The following PTPRD variants were observed in gnomAD, a reference collection of about 807,000 sequenced individuals.
PTPRD encodes the protein protein tyrosine phosphatase receptor type D, also known as receptor-type tyrosine-protein phosphatase delta.
In PTPRD, 34 loss-of-function variants were observed where a neutral mutation model predicts 214.5. The ratio of observed to expected loss-of-function variants is 0.16; its 90% CI spans 0.12 to 0.21. The LOEUF is 0.21. PTPRD is among the 10% of genes least tolerant of loss of function. The pLI is 1.00. For missense variants in PTPRD, 2,545 were observed against 2,398.7 expected (o/e 1.06, Z -1.27); for synonymous variants, 1,128 against 845.7 (o/e 1.33, Z -5.79).
rs138805005 is a variant in PTPRD, at chr9:8,500,881, C to T, written c.2001G>A (p.Ser667=). The change falls in exon 24 of 46, where the codon TCG becomes TCA. Residue 667 remains serine, a synonymous_variant. Transcript: ENST00000381196. ...GTTCCAAAAGGTATTTGGTAGTGTC[C>T]GAAGGAATTCCCAAAATCTCGTGAG... The part of the protein sequence containing the change: ...DKPHEILGIP[S]DTTKYLLEQL... 3.5e-4 allele frequency: 567 copies of T among 1,614,034 alleles called. 3 individuals carry two copies. In the East Asian group the frequency reaches 0.01, roughly 29 times the overall value.
At chr9:10,418,437 C>A (rs552563824) in intron 2 of PTPRD, among the ~76,000 whole-genome samples, 1 of 140,146 alleles carries the variant, frequency 7.1e-6, no homozygotes. Flanking sequence ...AAAATGAAGC[C>A]TTCCCCTCTA....
chr9:9,337,391 A>T (rs1391416586), intron 9 of PTPRD, among the ~76,000 whole-genome samples: 3 of 152,116 alleles, frequency 2.0e-5, no homozygotes, highest in Non-Finnish European at 2.9e-5. Flanking sequence ...ACTTTAATAG[A>T]TCATTAACAA....
At chr9:8,632,993 T>C (rs1430915322) in intron 14 of PTPRD, among the ~76,000 whole-genome samples, 1 of 151,950 alleles carries the variant, frequency 6.6e-6, no homozygotes, top group African/African-American at 2.4e-5. Flanking sequence ...GAAAAATCCA[T>C]GCACGAGTAA....
intron 12 of PTPRD, among the ~76,000 whole-genome samples, chr9:8,698,673 G>T (rs978515182): frequency 1.3e-5 from 2 of 152,172 alleles, no homozygotes; most frequent in East Asian, 3.9e-4. Flanking sequence ...TACACCTGCC[G>T]CCTCATGGTG....
chr9:9,763,420 T>C (rs1378077866), intron 6 of PTPRD, among the ~76,000 whole-genome samples: 1 of 151,636 alleles, frequency 6.6e-6, no homozygotes, highest in African/African-American at 2.4e-5. Flanking sequence ...AGGGGTATGG[T>C]ATTATAATAT....
At chr9:9,681,049 C>G (rs183149060) in intron 7 of PTPRD, among the ~76,000 whole-genome samples, 36 of 151,838 alleles carry the variant, frequency 2.4e-4, no homozygotes, top group African/African-American at 8.7e-4. Context: ...TATTTTATTG[C>G]ACTTTTCAAA....
At chr9:9,792,833 T>C (rs2098976867) in intron 5 of PTPRD, among the ~76,000 whole-genome samples, 2 of 152,144 alleles carry the variant, frequency 1.3e-5, no homozygotes, top group African/African-American at 2.4e-5. Context: ...CTGTTATTTG[T>C]AATTAGTGAT....
intron 3 of PTPRD, among the ~76,000 whole-genome samples, chr9:10,253,461 G>A (rs747928102): frequency 6.6e-6 from 1 of 152,182 alleles, no homozygotes; most frequent in Non-Finnish European, 1.5e-5. Context: ...TCCACTCAGC[G>A]GCTCAGCTGC....
chr9:9,600,518 G>C (rs1282618709), intron 7 of PTPRD, among the ~76,000 whole-genome samples: 1 of 151,968 alleles, frequency 6.6e-6, no homozygotes, highest in Non-Finnish European at 1.5e-5. Context: ...ATTTATTTTG[G>C]TTTAAAAAGT....
rs1313247997 is a variant in PTPRD, at chr9:9,989,037, A to AC, written c.-472+44680_-472+44681insG. On this transcript the variant is annotated intron_variant, in intron 4 of 45. Transcript: ENST00000381196. Reference sequence around the variant, plus strand: ...TGACCAAAAAAAAAAAAAAAAAAAAAAAAAAAAACCACAGACTTTACACAG... The same window carrying AC: ...TGACCAAAAAAAAAAAAAAAAAAAAACAAAAAAAACCACAGACTTTACACAG... Among the ~76,000 whole-genome samples the AC allele has an allele frequency of 1.3e-3, 152 of 121,454 alleles. 5 individuals carry two copies. In the Middle Eastern group the frequency reaches 0.025, roughly 20 times the overall value. 79.7% of individuals were successfully genotyped at this position (121,454 alleles called of 152,430 possible). A position where few individuals can be genotyped will look rare whatever the true frequency, so the allele number is the denominator to read the frequency against.
chr9:9,675,594 G>T (rs914925866), intron 7 of PTPRD, among the ~76,000 whole-genome samples: 1 of 151,638 alleles, frequency 6.6e-6, no homozygotes, highest in Non-Finnish European at 1.5e-5. Flanking sequence ...ACATTTTAAA[G>T]CAATATAAAA....
At chr9:9,995,903 G>C (rs919105313) in intron 4 of PTPRD, among the ~76,000 whole-genome samples, 1 of 152,082 alleles carries the variant, frequency 6.6e-6, no homozygotes, top group African/African-American at 2.4e-5. Context: ...AACATTATCA[G>C]TGACTGGGAG....
intron 5 of PTPRD, among the ~76,000 whole-genome samples, chr9:9,927,784 G>C (rs2084866814): frequency 6.6e-6 from 1 of 151,982 alleles, no homozygotes; most frequent in Non-Finnish European, 1.5e-5. Context: ...TAGTCATTGA[G>C]AGCCATCTTT....
chr9:8,926,607 T>C (rs891747387), intron 11 of PTPRD, among the ~76,000 whole-genome samples: 3 of 152,188 alleles, frequency 2.0e-5, no homozygotes, highest in African/African-American at 7.2e-5. Flanking sequence ...GCTGGGACTG[T>C]ATGTTCTCCA....
At chr9:8,404,083 A>G (rs1399084705) in intron 36 of PTPRD, among the ~76,000 whole-genome samples, 1 of 152,184 alleles carries the variant, frequency 6.6e-6, no homozygotes, top group African/African-American at 2.4e-5. Flanking sequence ...TATTTGTGTG[A>G]GAAAGAAAAA....
intron 8 of PTPRD, among the ~76,000 whole-genome samples, chr9:9,434,227 G>T (rs371542106): frequency 5.3e-5 from 8 of 152,062 alleles, no homozygotes; most frequent in Non-Finnish European, 1.2e-4. Flanking sequence ...ATCTCTCTGA[G>T]CTTCTTCACT....
intron 8 of PTPRD, among the ~76,000 whole-genome samples, chr9:9,464,983 G>A (rs1001879351): frequency 1.2e-4 from 18 of 152,152 alleles, no homozygotes; most frequent in Non-Finnish European, 2.5e-4. Context: ...GTAAAGTACA[G>A]AATAATTGAA....
At chr9:10,499,675 T>C (rs1384062529) in intron 2 of PTPRD, among the ~76,000 whole-genome samples, 1 of 151,812 alleles carries the variant, frequency 6.6e-6, no homozygotes, top group Non-Finnish European at 1.5e-5. Flanking sequence ...AAATCCCAGA[T>C]GTGAATCCAT....
intron 7 of PTPRD, among the ~76,000 whole-genome samples, chr9:9,585,645 C>T (rs1246982726): frequency 6.6e-6 from 1 of 152,040 alleles, no homozygotes; most frequent in Admixed American, 6.6e-5. Flanking sequence ...TGATTCTTCC[C>T]TTTCTTTTCA....
Sources: allele counts gnomAD v4.1 joint callset (sites outside exome capture counted in the v4.1 genomes callset), GRCh38; gene constraint gnomAD v4.1.1; transcripts MANE v1.5; gene names NCBI Gene and HGNC (gene_info 2026-07-23, HGNC 2026-07-21).